The following LRP1B variants were observed in gnomAD, a reference collection of about 807,000 sequenced individuals.
LRP1B encodes the protein LDL receptor related protein 1B, also known as low-density lipoprotein receptor-related protein 1B.
A neutral mutation model predicts 556.6 loss-of-function variants in LRP1B; 217 were observed. The ratio of observed to expected loss-of-function variants is 0.39; its 90% confidence interval spans 0.35 to 0.44. The LOEUF is 0.44. LRP1B is among the 20% of genes least tolerant of loss of function. The probability of loss-of-function intolerance (pLI) is 1.00; values close to 1 mark genes in which losing one functional copy is unlikely to be tolerated. For missense variants in LRP1B, 5,053 were observed against 5,620.8 expected (o/e 0.90, Z 3.23); for synonymous variants, 2,047 against 1,865.8 (o/e 1.10, Z -2.50).
At chr2:141,058,813 C>T (rs1461159386) in intron 9 of LRP1B, 70 bp downstream of exon 9, 3 of 1,326,858 alleles carry the variant, frequency 2.3e-6, no homozygotes, top group Non-Finnish European at 3.0e-6. Context: ...CAACACCATA[C>T]AAAAGCACAA....
intron 63 of LRP1B, among the ~76,000 whole-genome samples, chr2:140,450,329 A>G (rs1686832904): frequency 6.7e-6 from 1 of 148,596 alleles, no homozygotes; most frequent in Non-Finnish European, 1.5e-5. Flanking sequence ...AATTTGAGAA[A>G]GAAACAAAAT....
At position 142,116,179 on chromosome 2, in the gene LRP1B, C is replaced by T. The variant is rs540304552; in HGVS notation, c.82+14469G>A. 7.8e-5 allele frequency among the ~76,000 whole-genome samples: 8 copies of T among 102,014 alleles called. No individual in the cohort carries two copies. In the East Asian group the frequency reaches 1.5e-3, roughly 19 times the overall value. The allele number at this position is 102,014 out of a possible 152,430, so 66.9% of individuals were successfully genotyped here. A position where few individuals can be genotyped will look rare whatever the true frequency, so the allele number is the denominator to read the frequency against. ...CTGAACTCCAGCCTGGGTGACAGAG[C>T]GAGAGTCTGTCTCAAAAAAAAAAAA... On this transcript the variant is annotated intron_variant, in intron 1 of 90. Transcript: ENST00000389484.
At chr2:140,429,096 C>A (rs1483756483) in intron 66 of LRP1B, among the ~76,000 whole-genome samples, 1 of 152,138 alleles carries the variant, frequency 6.6e-6, no homozygotes, top group Non-Finnish European at 1.5e-5. Context: ...CTCATTAAAA[C>A]CTAATCACCC....
At chr2:140,533,041 C>T (rs900405602) in intron 47 of LRP1B, among the ~76,000 whole-genome samples, 3 of 147,934 alleles carry the variant, frequency 2.0e-5, no homozygotes, top group Non-Finnish European at 4.5e-5. Context: ...TTTTGCGTCT[C>T]GAACCTTAAT....
chr2:140,608,717 C>G (rs1431152067), intron 41 of LRP1B, among the ~76,000 whole-genome samples: 1 of 152,060 alleles, frequency 6.6e-6, no homozygotes, highest in Admixed American at 6.6e-5. Flanking sequence ...CAAAACAGGC[C>G]TATTTATTTG....
At chr2:140,537,650 T>C (rs1679969177) in intron 45 of LRP1B, among the ~76,000 whole-genome samples, 1 of 152,070 alleles carries the variant, frequency 6.6e-6, no homozygotes, top group African/African-American at 2.4e-5. Flanking sequence ...GGAAAGCATG[T>C]GTACCTGATG....
chr2:142,031,339 T>A (rs1032521584), intron 1 of LRP1B, among the ~76,000 whole-genome samples: 2 of 138,212 alleles, frequency 1.4e-5, no homozygotes, highest in Non-Finnish European at 3.2e-5. Context: ...TATTTTTTTT[T>A]TTTTTTTTTA....
chr2:140,874,624 CT>C (rs70991114), intron 25 of LRP1B, among the ~76,000 whole-genome samples: 16 of 149,052 alleles, frequency 1.1e-4, no homozygotes, highest in South Asian at 4.2e-4. Context: ...ATTAATTTTT[CT>C]TTTTTTTTTA....
chr2:140,236,021 A>G (rs1680683175), intron 89 of LRP1B, among the ~76,000 whole-genome samples: 2 of 151,082 alleles, frequency 1.3e-5, no homozygotes, highest in African/African-American at 4.8e-5. Flanking sequence ...AAAGCAGAAA[A>G]TATCAAATGT....
At chr2:140,315,765 C>T (rs1249465210) in intron 82 of LRP1B, among the ~76,000 whole-genome samples, 1 of 152,138 alleles carries the variant, frequency 6.6e-6, no homozygotes, top group Non-Finnish European at 1.5e-5. Flanking sequence ...CACACATACA[C>T]ACACTATTTG....
chr2:140,733,800 T>C (rs530929865), intron 35 of LRP1B, among the ~76,000 whole-genome samples: 1 of 152,128 alleles, frequency 6.6e-6, no homozygotes, highest in African/African-American at 2.4e-5. Context: ...AAAGGCAAAC[T>C]TACTATCTGA....
intron 75 of LRP1B, among the ~76,000 whole-genome samples, chr2:140,354,922 CACAA>C (rs1292662769): frequency 3.9e-5 from 6 of 151,966 alleles, no homozygotes; most frequent in South Asian, 2.1e-4. Context: ...AAGTGAAGGG[CACAA>C]ACAAATTTAA....
chr2:140,435,892 G>A (rs1321809136), intron 66 of LRP1B, among the ~76,000 whole-genome samples: 2 of 151,840 alleles, frequency 1.3e-5, no homozygotes, highest in African/African-American at 2.4e-5. Flanking sequence ...CTCCTTCAAC[G>A]GTTCTATTGG....
In LRP1B at chr2:141,591,925, T is replaced by C. The variant is rs1246494065; in HGVS notation, c.206-111392A>G. On this transcript the variant is annotated intron_variant, in intron 2 of 90. Coordinates refer to ENST00000389484, the MANE Select transcript of LRP1B (RefSeq NM_018557.3). ...AATAAATACATAGTCCAAAATCTTC[T>C]CGTGGCCCAATTGTTCAGAATCTAT... 2.0e-5 allele frequency among the ~76,000 whole-genome samples: 3 copies of C among 152,128 alleles called. No homozygotes were observed. The East Asian group carries it at 5.8e-4, about 29-fold the overall frequency.
intron 41 of LRP1B, among the ~76,000 whole-genome samples, chr2:140,651,175 C>T (rs1684668281): frequency 2.0e-5 from 3 of 151,810 alleles, no homozygotes; most frequent in South Asian, 2.1e-4. Context: ...GAGATAAGAA[C>T]GGGCAGAGAA....
chr2:141,359,992 C>A (rs1364284218), intron 3 of LRP1B, among the ~76,000 whole-genome samples: 1 of 134,130 alleles, frequency 7.5e-6, no homozygotes, highest in Non-Finnish European at 1.6e-5. Flanking sequence ...AGGTTAGAAA[C>A]AGGGAAGATA....
chr2:141,735,503 G>GA (rs1693430631), intron 2 of LRP1B, among the ~76,000 whole-genome samples: 2 of 126,176 alleles, frequency 1.6e-5, no homozygotes, highest in Non-Finnish European at 3.3e-5. Context: ...CAGCAAACAT[G>GA]TTTTTTTTTT....
intron 3 of LRP1B, among the ~76,000 whole-genome samples, chr2:141,378,344 C>T (rs1050155843): frequency 3.3e-5 from 5 of 151,798 alleles, no homozygotes; most frequent in Middle Eastern, 6.8e-3. Flanking sequence ...AAGGCAACCA[C>T]GAGTAAAACT....
chr2:142,072,515 G>A (rs901626006), intron 1 of LRP1B, among the ~76,000 whole-genome samples: 1 of 151,918 alleles, frequency 6.6e-6, no homozygotes, highest in Non-Finnish European at 1.5e-5. Flanking sequence ...GGCCCACAGG[G>A]CACATGTGGC....
Sources: allele counts gnomAD v4.1 joint callset (sites outside exome capture counted in the v4.1 genomes callset), GRCh38; gene constraint gnomAD v4.1.1; transcripts MANE v1.5; gene names NCBI Gene and HGNC (gene_info 2026-07-23, HGNC 2026-07-21).